MYH4: variants seen among roughly 807,000 people sequenced by gnomAD.
MYH4 encodes myosin-4.
A neutral mutation model predicts 229.9 loss-of-function variants in MYH4; 200 were observed. That is an observed-to-expected ratio of 0.87 (90% confidence interval 0.78 to 0.98). The LOEUF (loss-of-function observed/expected upper bound fraction) is 0.98, where lower values mean the gene tolerates loss of function less well. Among genes scored for constraint, MYH4 ranks in the 50% least tolerant of loss-of-function variants. The probability of loss-of-function intolerance (pLI) is 0.00; values close to 1 mark genes in which losing one functional copy is unlikely to be tolerated. For missense variants in MYH4, 2,148 were observed against 2,332.6 expected (o/e 0.92, Z 1.63); for synonymous variants, 761 against 834.6 (o/e 0.91, Z 1.52).
In MYH4 at chr17:10,450,914, C is replaced by T. The variant is rs202190784; in HGVS notation, c.3866-19G>A. The T allele has an allele frequency of 2.5e-5, 39 of 1,561,318 alleles. No homozygotes were observed. The highest frequency in any genetic ancestry group is 1.7e-4 in the Middle Eastern group (1 of 5,982). On this transcript the variant is annotated intron_variant, in intron 28 of 39. Transcript: ENST00000255381. ...AACTCACCTGTGGAAGACAAAACAT[C>T]AATGATTTAGTTCTGTTGTCTAGGT... is the stretch of plus-strand genomic sequence containing the variant.
Position 10,455,814 on chromosome 17 carries a change from C to G in MYH4, c.2056G>C (p.Gly686Arg). The stretch of plus-strand genomic sequence containing the variant: ...TGTCTGGATATCAGAAATGTCTTAC[C>G]AGGAGTTTTAGTTTCATTGGGGATG... The part of the protein sequence containing the change: ...CIIPNETKTP[G>R]AMEHELVLHQ... The change falls in exon 18 of 40, where the codon GGT (glycine) becomes CGT (arginine). Residue 686 changes from glycine (G) to arginine (R), a missense_variant and splice_region_variant. Gly to Arg is a moderately radical substitution (Grantham distance 125, BLOSUM62 -2). Coordinates refer to ENST00000255381, the MANE Select transcript of MYH4 (RefSeq NM_017533.2). The G allele has an allele frequency of 6.2e-7, 1 of 1,614,138 alleles. No individual in the cohort carries two copies. The highest frequency in any genetic ancestry group is 8.5e-7 in the Non-Finnish European group (1 of 1,180,020).
At chr17:10,465,935 C>T (rs1272653062) in intron 4 of MYH4, among the ~76,000 whole-genome samples, 4 of 151,184 alleles carry the variant, frequency 2.6e-5, no homozygotes, top group Middle Eastern at 3.4e-3. Context: ...CCACTACGCC[C>T]GGCTAATTTT....
chr17:10,449,656 G>A (rs1454386851), intron 30 of MYH4, among the ~76,000 whole-genome samples: 1 of 152,150 alleles, frequency 6.6e-6, no homozygotes, highest in African/African-American at 2.4e-5. Context: ...TATGTTCAAG[G>A]TCATACAATG....
In MYH4 at chr17:10,448,010, C is replaced by G; in HGVS notation, c.4773G>C (p.Lys1591Asn). Reference sequence around the variant, plus strand: ...ACTCCACAACTCTGAGATGGTTCCTCTTTAGCTGATCGAGTTCTTCATCTT... The same window carrying G: ...ACTCCACAACTCTGAGATGGTTCCTGTTTAGCTGATCGAGTTCTTCATCTT... The part of the protein sequence containing the change: ...AEKDEELDQL[K>N]RNHLRVVESM... The change falls in exon 34 of 40, where the codon AAG (lysine) becomes AAC (asparagine). Residue 1591 changes from lysine (K) to asparagine (N), a missense_variant. By Grantham distance (94) the Lys-to-Asn change is moderately conservative. Transcript: ENST00000255381. The G allele has an allele frequency of 1.2e-6, 2 of 1,614,054 alleles. No individual in the cohort carries two copies. The highest frequency in any genetic ancestry group is 1.7e-6 in the Non-Finnish European group (2 of 1,180,004).
rs961732354 is a variant in MYH4, at chr17:10,466,590, C to T, written c.156G>A (p.Val52=). The T allele has an allele frequency of 8.7e-6, 14 of 1,613,998 alleles. No individual in the cohort carries two copies. In the African/African-American group the frequency reaches 1.1e-4, roughly 12 times the overall value. Residue 52 remains valine (V), a synonymous_variant, in exon 3 of 40, where the codon GTG becomes GTA. Transcript: ENST00000255381. ...DPKESYVKAI[V]QSREGGKVTA... is the part of the protein sequence containing the mutation. Reference sequence around the variant, plus strand: ...TCACCTTCCCCCCTTCCCTGCTCTGCACTATTGCTTTCACGTAGGACTCCT... The same window carrying T: ...TCACCTTCCCCCCTTCCCTGCTCTGTACTATTGCTTTCACGTAGGACTCCT...
chr17:10,449,036 G>T lies in MYH4; in HGVS notation c.4193C>A (p.Ala1398Asp), dbSNP rs781773161. ...EELEEAKKKL[A>D]QRLQDAEEHV... ...TTCTTCTGCATCCTGCAGACGCTGG[G>T]CTAGCTTCTTCCTGAAAATTGGGTC... The change falls in exon 31 of 40, where the codon GCC becomes GAC. Residue 1398 changes from alanine to aspartate, a missense_variant. Ala to Asp is a moderately radical substitution (Grantham distance 126). Transcript: ENST00000255381. 6.2e-7 allele frequency: 1 copy of T among 1,613,934 alleles called. No homozygotes were observed. The highest frequency in any genetic ancestry group is 8.5e-7 in the Non-Finnish European group (1 of 1,179,948).
intron 30 of MYH4, among the ~76,000 whole-genome samples, chr17:10,449,889 G>C (rs998016933): frequency 6.6e-6 from 1 of 152,100 alleles, no homozygotes; most frequent in African/African-American, 2.4e-5. Context: ...ATTAAATTTA[G>C]AAAGGCTTCT....
chr17:10,458,472 C>T (rs1180904733), intron 15 of MYH4, among the ~76,000 whole-genome samples: 1 of 152,144 alleles, frequency 6.6e-6, no homozygotes, highest in Non-Finnish European at 1.5e-5. Flanking sequence ...ATTGTGCAGA[C>T]CTAGTCTGCT....
At position 10,459,919 on chromosome 17, in the gene MYH4, C is replaced by T. The variant is rs368969795; in HGVS notation, c.1416+33G>A. On this transcript the variant is annotated intron_variant, in intron 14 of 39. Coordinates refer to ENST00000255381, the MANE Select transcript of MYH4 (RefSeq NM_017533.2). ...TTGTATGCTCTAACAAGAGGATTTG[C>T]ACTGGCTAATTTTCTGTCAGTTCAC... The T allele has an allele frequency of 5.9e-5, 95 of 1,613,552 alleles. No homozygotes were observed. The Middle Eastern group carries it at 6.9e-4, about 12-fold the overall frequency.
chr17:10,444,423 T>TA (rs2072487821), intron 39 of MYH4, among the ~76,000 whole-genome samples, 181 bp downstream of exon 39: 1 of 152,154 alleles, frequency 6.6e-6, no homozygotes, highest in Admixed American at 6.6e-5. Context: ...TCAGAAGAAA[T>TA]AAACTCAAAT....
chr17:10,461,644 C>A (rs995448744), intron 11 of MYH4, among the ~76,000 whole-genome samples: 2 of 152,122 alleles, frequency 1.3e-5, no homozygotes, highest in Non-Finnish European at 1.5e-5. Context: ...CCTGGGGTAG[C>A]AAACTTTACC....
chr17:10,447,988 C>T lies in MYH4; in HGVS notation c.4795G>A (p.Glu1599Lys). The T allele has an allele frequency of 6.2e-7, 1 of 1,614,034 alleles. No individual in the cohort carries two copies. The highest frequency in any genetic ancestry group is 8.5e-7 in the Non-Finnish European group (1 of 1,179,988). ...GCATCCAGTGTACTCTGCATTGACT[C>T]CACAACTCTGAGATGGTTCCTCTTT... is the stretch of plus-strand genomic sequence containing the variant. ...QLKRNHLRVV[E>K]SMQSTLDAEI... The change falls in exon 34 of 40, where the codon GAG becomes AAG. Residue 1599 changes from glutamate (E) to lysine (K), a missense_variant. Coordinates refer to ENST00000255381, the MANE Select transcript of MYH4 (RefSeq NM_017533.2).
In MYH4 at chr17:10,469,319, G is replaced by A. The variant is rs942572347; in HGVS notation, c.-71C>T. 14 of 152,094 alleles carry A rather than the reference G, an allele frequency of 9.2e-5. No homozygotes were observed. The highest frequency in any genetic ancestry group is 3.4e-4 in the African/African-American group (14 of 41,394). 9.4% of individuals were successfully genotyped at this position (152,094 alleles called of 1,614,324 possible). ...TATTATCAGATGAAGAAGGTGGCAG[G>A]CTCAAAGCAGACAACTACTGTTGAA... On this transcript the variant is annotated 5_prime_UTR_variant, in exon 2 of 40. Coordinates refer to ENST00000255381, the MANE Select transcript of MYH4 (RefSeq NM_017533.2).
At chr17:10,444,720 T>C in intron 38 of MYH4, 21 bp from the exon 39 acceptor site, 1 of 1,612,960 alleles carries the variant, frequency 6.2e-7, no homozygotes, top group Non-Finnish European at 8.5e-7. Context: ...TGCAAGTAGA[T>C]GGTGCCATTA....
At position 10,451,454 on chromosome 17, in the gene MYH4, T is replaced by C; in HGVS notation, c.3739-2A>G. 6.2e-7 allele frequency: 1 copy of C among 1,612,960 alleles called. No individual in the cohort carries two copies. Among genetic ancestry groups the C allele is most frequent in the Non-Finnish European group, 8.5e-7 (1 of 1,179,634 alleles). ...GCGGCACATTTTCTCAAAGTTTGCC[T>C]GGGGTGAGAGGTAGAAAACAGGAAG... On this transcript the variant is annotated splice_acceptor_variant, in intron 27 of 39. Transcript: ENST00000255381. LOFTEE classifies it high-confidence loss of function.
rs1190517135 is a variant in MYH4 at position 10,463,608 on chromosome 17, G to C, written c.684C>G (p.Pro228=). 1 of 1,613,576 alleles carries C rather than the reference G, an allele frequency of 6.2e-7. No individual in the cohort carries two copies. The highest frequency in any genetic ancestry group is 2.2e-5 in the East Asian group (1 of 44,886). ...TLEDQIISAN[P]LLEAFGNAKT... ...TGGCATTGCCGAAGGCTTCCAGTAG[G>C]GGGTTAGCACTGATGATTTGATCTT... Residue 228 remains proline (P), a synonymous_variant, in exon 8 of 40, where the codon CCC becomes CCG. Transcript: ENST00000255381.
At position 10,451,355 on chromosome 17, in the gene MYH4, G is replaced by A. The variant is rs753734218; in HGVS notation, c.3836C>T (p.Ala1279Val). 1 of 1,613,994 alleles carries A rather than the reference G, an allele frequency of 6.2e-7. No individual in the cohort carries two copies. Among genetic ancestry groups the A allele is most frequent in the Non-Finnish European group, 8.5e-7 (1 of 1,179,978 alleles). Residue 1279 changes from alanine (A) to valine (V), a missense_variant, in exon 28 of 40, where the codon GCC becomes GTC. Ala to Val is a moderately conservative substitution (Grantham distance 64, BLOSUM62 0). Coordinates refer to ENST00000255381, the MANE Select transcript of MYH4 (RefSeq NM_017533.2). ...TTCTGTGTGTAAACGTGCCTTCTGGGCTGACAACTCATTTATTAAGCGTTG... is the reference window on the plus strand; with the variant it reads ...TTCTGTGTGTAAACGTGCCTTCTGGACTGACAACTCATTTATTAAGCGTTG... ...EQQRLINELS[A>V]QKARLHTESG...
chr17:10,443,288 A>G (rs2072476282), downstream of MYH4: 1 of 1,401,316 alleles, frequency 7.1e-7, no homozygotes. This position sits in a 1 kb window ranked among gnomAD's most constrained non-coding sequence, Gnocchi z 4.6. Flanking sequence ...TTATCTAAAG[A>G]TTTTATTTCC....
In MYH4 at chr17:10,454,764, C is replaced by T; in HGVS notation, c.2482G>A (p.Val828Met). 1 of 1,614,118 alleles carries T rather than the reference C, an allele frequency of 6.2e-7. No individual in the cohort carries two copies. Among genetic ancestry groups the T allele is most frequent in the South Asian group, 1.1e-5 (1 of 91,080 alleles). ...IQYNIRAFMN[V>M]KHWPWMKLYF... The stretch of plus-strand genomic sequence containing the variant: ...AGCTTCATCCAGGGCCAGTGCTTCA[C>T]ATTCATGAAAGCACGGATGTTGTAC... Residue 828 changes from valine (V) to methionine (M), a missense_variant, in exon 22 of 40, where the codon GTG (valine) becomes ATG (methionine). Transcript: ENST00000255381.
Sources: allele counts gnomAD v4.1 joint callset (sites outside exome capture counted in the v4.1 genomes callset), GRCh38; gene constraint gnomAD v4.1.1; non-coding constraint Gnocchi (gnomAD v3.1); transcripts MANE v1.5; gene names NCBI Gene and HGNC (gene_info 2026-07-23, HGNC 2026-07-21).